KCNIP1: variants seen among roughly 807,000 people sequenced by gnomAD.
KCNIP1 encodes the protein potassium voltage-gated channel interacting protein 1.
Under a neutral mutation model 33.0 loss-of-function variants are expected in KCNIP1, and 18 were observed. That is an observed-to-expected ratio of 0.55 (90% CI 0.38 to 0.81). The LOEUF (loss-of-function observed/expected upper bound fraction) is 0.81, where lower values mean the gene tolerates loss of function less well. KCNIP1 is among the 30% of genes least tolerant of loss of function. The pLI, the probability that KCNIP1 is intolerant of heterozygous loss-of-function variation, is 0.00. For missense variants in KCNIP1, 238 were observed against 271.6 expected (o/e 0.88, Z 0.87); for synonymous variants, 93 against 98.3 (o/e 0.95, Z 0.32).
intron 1 of KCNIP1, among the ~76,000 whole-genome samples, chr5:170,664,159 T>C (rs567858565): frequency 9.9e-5 from 15 of 152,276 alleles, no homozygotes; most frequent in African/African-American, 3.6e-4. Context: ...CTCTGTGTTC[T>C]GGCCATCAAA....
At chr5:170,637,381 A>C (rs1352765512) in intron 1 of KCNIP1, among the ~76,000 whole-genome samples, 1 of 151,900 alleles carries the variant, frequency 6.6e-6, no homozygotes, top group Admixed American at 6.6e-5. Context: ...CCACTCTTTG[A>C]GTCCATTCTT....
chr5:170,638,955 T>C (rs1420201528), intron 1 of KCNIP1, among the ~76,000 whole-genome samples: 1 of 152,160 alleles, frequency 6.6e-6, no homozygotes, highest in African/African-American at 2.4e-5. Flanking sequence ...GTCTCCACCC[T>C]AGGAGCCCCA....
intron 1 of KCNIP1, among the ~76,000 whole-genome samples, chr5:170,635,187 A>C (rs1009677175): frequency 6.6e-6 from 1 of 151,836 alleles, no homozygotes. Context: ...CCACCACCAC[A>C]CCCAGCTAAT....
intron 1 of KCNIP1, among the ~76,000 whole-genome samples, chr5:170,633,080 G>GGGGAGAGCAGA (rs1300816204): frequency 8.5e-5 from 13 of 152,260 alleles, no homozygotes; most frequent in South Asian, 2.1e-4. Context: ...CTTTGAGCAG[G>GGGGAGAGCAGA]GGGAGAGCAG....
intron 1 of KCNIP1, among the ~76,000 whole-genome samples, chr5:170,705,258 A>G (rs1763220749): frequency 6.6e-6 from 1 of 152,224 alleles, no homozygotes; most frequent in African/African-American, 2.4e-5. Context: ...TGCACAGTTA[A>G]GAGGCTTCAG....
At chr5:170,425,464 G>C (rs751302772) in intron 1 of KCNIP1, among the ~76,000 whole-genome samples, 7 of 152,160 alleles carry the variant, frequency 4.6e-5, no homozygotes, top group African/African-American at 1.7e-4. Flanking sequence ...GGGGGAGGCA[G>C]AGAGCTGCTG....
intron 1 of KCNIP1, among the ~76,000 whole-genome samples, chr5:170,403,160 G>C (rs1018893361): frequency 6.6e-6 from 1 of 152,154 alleles, no homozygotes; most frequent in Admixed American, 6.5e-5. Context: ...GAGAGCTAGA[G>C]CTGGAAAGGC....
At chr5:170,413,045 C>T (rs933131837) in intron 1 of KCNIP1, among the ~76,000 whole-genome samples, 7 of 152,178 alleles carry the variant, frequency 4.6e-5, no homozygotes, top group Admixed American at 3.3e-4. Flanking sequence ...GCTAAAGCAG[C>T]GCTGGGCGTA....
chr5:170,570,609 T>C (rs929506252), intron 1 of KCNIP1, among the ~76,000 whole-genome samples: 4 of 152,240 alleles, frequency 2.6e-5, no homozygotes, highest in African/African-American at 9.6e-5. Context: ...AATCACAGCA[T>C]TCCTCAGCCT....
At chr5:170,460,377 C>T (rs1401780510) in intron 1 of KCNIP1, among the ~76,000 whole-genome samples, 1 of 152,058 alleles carries the variant, frequency 6.6e-6, no homozygotes, top group Non-Finnish European at 1.5e-5. Context: ...CAGGAAAGGA[C>T]ACAACCAAAA....
chr5:170,481,590 C>T (rs897730004), intron 1 of KCNIP1, among the ~76,000 whole-genome samples: 1 of 152,176 alleles, frequency 6.6e-6, no homozygotes, highest in Non-Finnish European at 1.5e-5. Context: ...CTATATGTTA[C>T]ACCTCACTTT....
chr5:170,520,569 T>C (rs1427901922), intron 1 of KCNIP1, among the ~76,000 whole-genome samples: 1 of 148,726 alleles, frequency 6.7e-6, no homozygotes, highest in African/African-American at 2.5e-5. Flanking sequence ...TTCCTCCTTT[T>C]CTTGGCTGTC....
intron 1 of KCNIP1, among the ~76,000 whole-genome samples, chr5:170,547,245 G>A (rs1025866784): frequency 5.9e-5 from 9 of 152,028 alleles, no homozygotes; most frequent in African/African-American, 1.2e-4. Flanking sequence ...TCTTATCATC[G>A]TCTTCCATTA....
intron 1 of KCNIP1, among the ~76,000 whole-genome samples, chr5:170,635,440 G>A (rs1280158928): frequency 6.6e-6 from 1 of 152,108 alleles, no homozygotes; most frequent in African/African-American, 2.4e-5. Context: ...CCTGTCCAAG[G>A]TAGCTCTCCA....
intron 1 of KCNIP1, chr5:170,383,516 G>T: frequency 5.2e-6 from 4 of 764,114 alleles, no homozygotes; most frequent in South Asian, 1.6e-5. Flanking sequence ...AGGTCTGTGT[G>T]ACTCCAACAC....
At position 170,416,432 on chromosome 5, in the gene KCNIP1, G is replaced by A. The variant is rs373765938; in HGVS notation, c.88+62468G>A. ...GGAAGTCAGCTTAAAGAAATGATGC[G>A]GAGGAATGATCACTGAAGAGACTCG... On this transcript the variant is annotated intron_variant, in intron 1 of 7. Coordinates refer to the KCNIP1 transcript ENST00000377360. Among the ~76,000 whole-genome samples, 6 of 152,192 alleles carry A rather than the reference G, an allele frequency of 3.9e-5. No individual in the cohort carries two copies. In the South Asian group the frequency reaches 1.0e-3, roughly 26 times the overall value.
chr5:170,587,722 G>A (rs560732238), intron 1 of KCNIP1, among the ~76,000 whole-genome samples: 1 of 152,340 alleles, frequency 6.6e-6, no homozygotes, highest in East Asian at 1.9e-4. Context: ...AGACCCTTGT[G>A]ATTACATCAG....
At chr5:170,691,774 C>T (rs1299191591) in intron 1 of KCNIP1, among the ~76,000 whole-genome samples, 1 of 152,062 alleles carries the variant, frequency 6.6e-6, no homozygotes, top group African/African-American at 2.4e-5. Flanking sequence ...AGCAGGGTCC[C>T]CTGAGCGTTC....
At chr5:170,514,499 A>G (rs1755055920) in intron 1 of KCNIP1, among the ~76,000 whole-genome samples, 1 of 152,170 alleles carries the variant, frequency 6.6e-6, no homozygotes, top group Admixed American at 6.5e-5. Context: ...AGGCCCTGAC[A>G]CTAAAATAAT....
Sources: gnomAD v4.1 joint callset for allele counts (sites outside exome capture counted in the v4.1 genomes callset) on GRCh38, gnomAD v4.1.1 for gene constraint, MANE v1.5 for transcripts, NCBI Gene and HGNC (gene_info 2026-07-23, HGNC 2026-07-21) for gene names.